Variants in TSNARE1 observed in about 807,000 individuals in gnomAD.
TSNARE1 encodes the protein t-SNARE domain containing 1.
In TSNARE1, 49 loss-of-function variants were observed where a neutral mutation model predicts 62.0. That is an observed-to-expected ratio of 0.79 (90% CI 0.63 to 1.00). TSNARE1 has a LOEUF of 1.00. Among genes scored for constraint, TSNARE1 ranks in the 50% least tolerant of loss-of-function variants. TSNARE1 has a pLI of 0.00. For missense variants in TSNARE1, 755 were observed against 700.1 expected (o/e 1.08, Z -0.88); for synonymous variants, 328 against 294.4 (o/e 1.11, Z -1.17).
chr8:142,247,389 A>G (rs188326786), intron 12 of TSNARE1, among the ~76,000 whole-genome samples: 46 of 151,770 alleles, frequency 3.0e-4, no homozygotes, highest in Admixed American at 8.5e-4. Flanking sequence ...TGGGTTTTGG[A>G]CTCTTACTTG....
intron 1 of TSNARE1, among the ~76,000 whole-genome samples, chr8:142,357,035 C>A (rs1021078444): frequency 6.6e-6 from 1 of 151,906 alleles, no homozygotes; most frequent in African/African-American, 2.4e-5. Flanking sequence ...GCAGGCAGAG[C>A]GGGGGCCTCC....
At chr8:142,270,344 A>T in intron 12 of TSNARE1, 1 of 985,458 alleles carries the variant, frequency 1.0e-6, no homozygotes, top group Non-Finnish European at 1.2e-6. Context: ...AGCAGGCTCC[A>T]ACTCACGTGC....
intron 1 of TSNARE1, among the ~76,000 whole-genome samples, chr8:142,370,231 T>C (rs1179560462): frequency 2.0e-5 from 3 of 152,154 alleles, no homozygotes; most frequent in Non-Finnish European, 2.9e-5. Flanking sequence ...TATTCTGCTA[T>C]AGCAGCCTCA....
intron 12 of TSNARE1, among the ~76,000 whole-genome samples, chr8:142,266,811 C>T (rs974542126): frequency 3.9e-5 from 6 of 152,292 alleles, no homozygotes; most frequent in East Asian, 1.9e-4. Context: ...GACTCCAAGA[C>T]GACATATGTT....
At chr8:142,274,682 G>C in intron 12 of TSNARE1, 99 bp downstream of exon 12, 1 of 1,383,108 alleles carries the variant, frequency 7.2e-7, no homozygotes, top group Non-Finnish European at 9.4e-7. Context: ...CCCAGGCACA[G>C]GGCAGGGCCT....
At chr8:142,335,943 C>T (rs1047293460) in intron 4 of TSNARE1, among the ~76,000 whole-genome samples, 1 of 152,182 alleles carries the variant, frequency 6.6e-6, no homozygotes, top group African/African-American at 2.4e-5. Context: ...AGAGGCACTG[C>T]TTTCACCATT....
chr8:142,343,900 G>A lies in TSNARE1; in HGVS notation c.745+66C>T, dbSNP rs906906452. On this transcript the variant is annotated intron_variant, in intron 4 of 13. Transcript: ENST00000524325. ...GGAAGATGCAGGGCAACATGGCCAAGATGGGCCCCCCCCTCCTGCTGGACA... is the reference window on the plus strand; with the variant it reads ...GGAAGATGCAGGGCAACATGGCCAAAATGGGCCCCCCCCTCCTGCTGGACA... 2.1e-6 allele frequency: 3 copies of A among 1,418,942 alleles called. No homozygotes were observed. The African/African-American group carries it at 4.4e-5, about 21-fold the overall frequency. The allele number at this position is 1,418,942 out of a possible 1,614,324, so 87.9% of individuals were successfully genotyped here. A position where few individuals can be genotyped will look rare whatever the true frequency, so the allele number is the denominator to read the frequency against.
chr8:142,223,125 C>T (rs146188127), intron 13 of TSNARE1, among the ~76,000 whole-genome samples: 1 of 19,318 alleles, frequency 5.2e-5, no homozygotes, highest in Non-Finnish European at 1.6e-4. Flanking sequence ...CACTCATTCA[C>T]TCATTCACTC....
intron 4 of TSNARE1, among the ~76,000 whole-genome samples, chr8:142,340,372 C>T (rs1359781365): frequency 6.6e-6 from 1 of 152,154 alleles, no homozygotes; most frequent in East Asian, 1.9e-4. Context: ...GCTCCACTCA[C>T]AGGAAACGTC....
intron 4 of TSNARE1, among the ~76,000 whole-genome samples, chr8:142,338,714 G>A (rs1380412330): frequency 2.0e-5 from 3 of 152,242 alleles, no homozygotes; most frequent in Admixed American, 6.5e-5. Context: ...CCCGGCTCAG[G>A]TTCAGGCAGG....
chr8:142,375,728 C>A (rs960069866), intron 1 of TSNARE1, among the ~76,000 whole-genome samples: 2 of 152,234 alleles, frequency 1.3e-5, no homozygotes, highest in Non-Finnish European at 2.9e-5. Context: ...AGCTGCTGGG[C>A]CAAACTCCCC....
intron 13 of TSNARE1, among the ~76,000 whole-genome samples, chr8:142,219,694 T>G (rs933476496): frequency 2.0e-5 from 3 of 152,180 alleles, no homozygotes; most frequent in African/African-American, 2.4e-5. Flanking sequence ...GCAGAGGTCC[T>G]GGGGGAATGG....
intron 13 of TSNARE1, among the ~76,000 whole-genome samples, chr8:142,228,059 C>A (rs1226682230): frequency 3.3e-5 from 5 of 152,210 alleles, no homozygotes; most frequent in Admixed American, 3.3e-4. Flanking sequence ...CAGCAACCAG[C>A]ACCAGTGTCA....
intron 12 of TSNARE1, among the ~76,000 whole-genome samples, chr8:142,249,690 T>C (rs1332576834): frequency 6.6e-6 from 1 of 152,110 alleles, no homozygotes; most frequent in Admixed American, 6.5e-5. Context: ...GACCGGCTCA[T>C]GAGAAATGCT....
At chr8:142,396,585 A>G (rs963433349) in intron 1 of TSNARE1, among the ~76,000 whole-genome samples, 2 of 152,250 alleles carry the variant, frequency 1.3e-5, no homozygotes, top group Non-Finnish European at 2.9e-5. Flanking sequence ...TTTTGTTTGT[A>G]AAGCTGCTTC....
chr8:142,342,399 G>A (rs1182302756), intron 4 of TSNARE1, among the ~76,000 whole-genome samples: 2 of 152,194 alleles, frequency 1.3e-5, no homozygotes, highest in South Asian at 2.1e-4. Context: ...CCAGCACTGC[G>A]GTCCTCGCCA....
At chr8:142,395,652 C>A (rs896833515) in intron 1 of TSNARE1, among the ~76,000 whole-genome samples, 1 of 152,238 alleles carries the variant, frequency 6.6e-6, no homozygotes, top group African/African-American at 2.4e-5. Context: ...CCGGCGAAAA[C>A]GCCCAGGTAC....
chr8:142,377,228 T>C (rs1240490799), intron 1 of TSNARE1, among the ~76,000 whole-genome samples: 1 of 152,032 alleles, frequency 6.6e-6, no homozygotes, highest in African/African-American at 2.4e-5. Context: ...CTATCCCAGA[T>C]AGACTAAAGG....
At chr8:142,249,513 G>C (rs1045595350) in intron 12 of TSNARE1, among the ~76,000 whole-genome samples, 3 of 152,184 alleles carry the variant, frequency 2.0e-5, no homozygotes, top group African/African-American at 7.2e-5. Context: ...GAGGCTAAAG[G>C]AAGTGGGGAG....
Sources: allele counts gnomAD v4.1 joint callset (sites outside exome capture counted in the v4.1 genomes callset), GRCh38; gene constraint gnomAD v4.1.1; transcripts MANE v1.5; gene names NCBI Gene and HGNC (gene_info 2026-07-23, HGNC 2026-07-21).